The following PDE1C variants were observed in gnomAD, a reference collection of about 807,000 sequenced individuals.
PDE1C encodes dual specificity calcium/calmodulin-dependent 3',5'-cyclic nucleotide phosphodiesterase 1C.
In PDE1C, 62 loss-of-function variants were observed where a neutral mutation model predicts 93.1. The ratio of observed to expected loss-of-function variants is 0.67; its 90% confidence interval spans 0.54 to 0.82. PDE1C has a LOEUF of 0.82. Among genes scored for constraint, PDE1C ranks in the 40% least tolerant of loss-of-function variants. The pLI is 0.00. For synonymous variants in PDE1C, 325 were observed against 310.1 expected (o/e 1.05, Z -0.50); for missense variants, 742 against 884.6 (o/e 0.84, Z 2.04).
At chr7:32,158,731 T>G (rs976980789) in intron 3 of PDE1C, among the ~76,000 whole-genome samples, 1 of 152,216 alleles carries the variant, frequency 6.6e-6, no homozygotes, top group African/African-American at 2.4e-5. Flanking sequence ...CATGGAAATA[T>G]AATTCCTAAT....
intron 2 of PDE1C, among the ~76,000 whole-genome samples, chr7:31,998,262 T>G (rs993606642): frequency 1.5e-4 from 23 of 152,166 alleles, no homozygotes; most frequent in Middle Eastern, 3.4e-3. Flanking sequence ...CTCGTGATTC[T>G]CCCGCCTTGG....
intron 2 of PDE1C, among the ~76,000 whole-genome samples, chr7:32,012,982 G>C (rs946722090): frequency 2.0e-5 from 3 of 152,118 alleles, no homozygotes; most frequent in African/African-American, 4.8e-5. Flanking sequence ...ATCAACTGTA[G>C]CTATTAATCA....
intron 3 of PDE1C, among the ~76,000 whole-genome samples, chr7:32,134,478 G>C (rs1800092317): frequency 6.6e-6 from 1 of 152,010 alleles, no homozygotes; most frequent in Non-Finnish European, 1.5e-5. Context: ...AAAATGAAGA[G>C]CCAGTAAAGG....
intron 3 of PDE1C, among the ~76,000 whole-genome samples, chr7:32,097,757 G>A (rs1351529398): frequency 6.6e-6 from 1 of 152,150 alleles, no homozygotes. Context: ...GACTCACACT[G>A]GGAAATGGGT....
At chr7:31,656,013 G>A in the PDE1C span, 1 of 985,048 alleles carries the variant, frequency 1.0e-6, no homozygotes, top group African/African-American at 1.7e-5. Context: ...CTCCTTTGCT[G>A]AAACAAATGA....
chr7:31,850,167 A>G (rs1562917609), intron 8 of PDE1C, among the ~76,000 whole-genome samples: 1 of 152,062 alleles, frequency 6.6e-6, no homozygotes, highest in Non-Finnish European at 1.5e-5. Context: ...GCAAGCACTA[A>G]ACAGAGCAGA....
the PDE1C span, chr7:31,708,330 T>G: frequency 6.6e-6 from 1 of 152,346 alleles, no homozygotes; most frequent in East Asian, 1.9e-4. Flanking sequence ...TTGTCACAAC[T>G]AAGAGTGATA....
intron 1 of PDE1C, among the ~76,000 whole-genome samples, chr7:32,235,405 C>A (rs1201870918): frequency 7.0e-6 from 1 of 142,624 alleles, no homozygotes; most frequent in African/African-American, 2.7e-5. Flanking sequence ...TGTAGAAAAT[C>A]CAAGGAATCT....
intron 2 of PDE1C, among the ~76,000 whole-genome samples, chr7:31,992,707 T>C (rs1161377322): frequency 1.3e-5 from 2 of 152,234 alleles, no homozygotes; most frequent in African/African-American, 4.8e-5. Context: ...ATGGTTACAT[T>C]ATAGCTGCAT....
chr7:32,137,723 TTCCTG>T (rs1800290475), intron 3 of PDE1C, among the ~76,000 whole-genome samples: 1 of 152,176 alleles, frequency 6.6e-6, no homozygotes. Context: ...GAAAGAGTGC[TTCCTG>T]TCTGGAAGCA....
intron 2 of PDE1C, among the ~76,000 whole-genome samples, chr7:31,888,106 C>T (rs151123163): frequency 0.019 from 2,880 of 151,456 alleles, 77 homozygotes; most frequent in African/African-American, 0.063. Flanking sequence ...AAAAATTAGC[C>T]GAGTGTGGTG....
chr7:31,685,775 A>G, the PDE1C span, among the ~76,000 whole-genome samples: 1 of 152,216 alleles, frequency 6.6e-6, no homozygotes, highest in Non-Finnish European at 1.5e-5. Context: ...ACCTGCTTCT[A>G]GGCCCTGTCC....
chr7:32,138,326 A>C (rs1800322090), intron 3 of PDE1C, among the ~76,000 whole-genome samples: 12 of 152,314 alleles, frequency 7.9e-5, no homozygotes. Context: ...GTGTGTTATG[A>C]AAAATAAATG....
chr7:31,815,617 G>C (rs953964484), intron 15 of PDE1C, among the ~76,000 whole-genome samples: 3 of 151,696 alleles, frequency 2.0e-5, no homozygotes, highest in Admixed American at 6.6e-5. Flanking sequence ...TTACACTCAG[G>C]AATGTGCTGG....
chr7:31,765,378 A>AT (rs1288653162), intron 17 of PDE1C, among the ~76,000 whole-genome samples: 2 of 151,986 alleles, frequency 1.3e-5, no homozygotes, highest in Non-Finnish European at 2.9e-5. Flanking sequence ...CTTCGTTTTC[A>AT]TTTTGTTTGT....
intron 2 of PDE1C, among the ~76,000 whole-genome samples, chr7:31,974,488 TG>T (rs1003932764): frequency 6.6e-6 from 1 of 152,214 alleles, no homozygotes; most frequent in African/African-American, 2.4e-5. Context: ...TGAAGTGTTT[TG>T]ACACACTAAA....
chr7:32,389,157 C>CGTGTGTGTGTGTGTGTGCGT (rs1554316179), intron 1 of PDE1C, among the ~76,000 whole-genome samples: 9 of 135,698 alleles, frequency 6.6e-5, no homozygotes, highest in African/African-American at 2.2e-4. Flanking sequence ...TGATAGCTGA[C>CGTGTGTGTGTGTGTGTGCGT]GTGTGTGTGT....
intron 8 of PDE1C, 91 bp from the exon 9 acceptor site, chr7:31,848,187 TC>T: frequency 7.7e-7 from 1 of 1,295,050 alleles, no homozygotes; most frequent in Non-Finnish European, 1.1e-6. Flanking sequence ...ACCACTTTTT[TC>T]CATGTTTAGA....
At chr7:32,070,150 T>C in intron 1 of PDE1C, 143 bp downstream of exon 1, 2 of 1,400,386 alleles carry the variant, frequency 1.4e-6, no homozygotes, top group Non-Finnish European at 1.9e-6. Flanking sequence ...TGACTGTAAT[T>C]AACAGAGCAG....
Sources: gnomAD v4.1 joint callset for allele counts (sites outside exome capture counted in the v4.1 genomes callset) on GRCh38, gnomAD v4.1.1 for gene constraint, MANE v1.5 for transcripts, NCBI Gene and HGNC (gene_info 2026-07-23, HGNC 2026-07-21) for gene names.